The following THAP8 variants were observed in gnomAD, a reference collection of about 807,000 sequenced individuals.
THAP8 encodes THAP domain containing 8.
THAP8 carries 24 observed loss-of-function variants against 25.0 expected under a neutral mutation model. That is an observed-to-expected ratio of 0.96 (90% CI 0.69 to 1.35). The LOEUF is 1.35. Ranked by LOEUF, THAP8 falls within the 40% of genes most tolerant of loss-of-function variation. The pLI is 0.00. For synonymous variants in THAP8, 169 were observed against 157.6 expected (o/e 1.07, Z -0.54); for missense variants, 399 against 368.8 (o/e 1.08, Z -0.67).
intron 1 of THAP8, among the ~76,000 whole-genome samples, chr19:36,053,696 A>G (rs1014968517): frequency 4.6e-5 from 7 of 152,186 alleles, no homozygotes; most frequent in Non-Finnish European, 1.0e-4. Context: ...CGAAAGAGGT[A>G]AGGATGACAT....
intron 1 of THAP8, among the ~76,000 whole-genome samples, chr19:36,048,858 A>AAAAAAAC (rs1568555132): frequency 1.9e-5 from 1 of 52,654 alleles, no homozygotes; most frequent in African/African-American, 6.4e-5. Context: ...AAAAAAAAAC[A>AAAAAAAC]AAAAAACAAA....
chr19:36,036,017 G>A (rs1420468727), intron 3 of THAP8, among the ~76,000 whole-genome samples: 3 of 152,108 alleles, frequency 2.0e-5, no homozygotes, highest in African/African-American at 7.2e-5. Context: ...GGATAGATGA[G>A]TAGGAGACAG....
rs1435452074 is a variant in THAP8 at position 36,039,403 on chromosome 19, G to A, written c.592C>T (p.Leu198=). The change falls in exon 3 of 4, where the codon CTG becomes TTG. Residue 198 remains leucine (L), a synonymous_variant. Coordinates refer to ENST00000292894, the MANE Select transcript of THAP8 (RefSeq NM_152658.3). Reference sequence around the variant, plus strand: ...TGTGCCAGCCGTTCCAGGGCCTGCAGCTGCGCCTGGTGCCGCTCCTGGCAC... The same window carrying A: ...TGTGCCAGCCGTTCCAGGGCCTGCAACTGCGCCTGGTGCCGCTCCTGGCAC... ...QRCQERHQAQ[L]QALERLAQQL... The A allele has an allele frequency of 7.1e-6, 11 of 1,552,956 alleles. No homozygotes were observed. Among genetic ancestry groups the A allele is most frequent in the Non-Finnish European group, 9.6e-6 (11 of 1,151,444 alleles).
chr19:36,042,259 A>C (rs2145439209), intron 1 of THAP8, among the ~76,000 whole-genome samples: 1 of 152,188 alleles, frequency 6.6e-6, no homozygotes, highest in East Asian at 1.9e-4. Flanking sequence ...CATATGACCC[A>C]GCAATCCACT....
intron 1 of THAP8, among the ~76,000 whole-genome samples, chr19:36,042,987 G>A (rs1346275490): frequency 6.6e-6 from 1 of 152,160 alleles, no homozygotes; most frequent in Non-Finnish European, 1.5e-5. Context: ...GGAATGCAGT[G>A]GTGTGATCTC....
At chr19:36,047,136 T>C (rs768949583) in intron 1 of THAP8, among the ~76,000 whole-genome samples, 3 of 152,238 alleles carry the variant, frequency 2.0e-5, no homozygotes, top group Non-Finnish European at 4.4e-5. Context: ...CACTGAGCTA[T>C]ACCCCCATGT....
intron 1 of THAP8, among the ~76,000 whole-genome samples, chr19:36,044,420 TAACC>T (rs1456437620): frequency 6.7e-6 from 1 of 148,546 alleles, no homozygotes; most frequent in African/African-American, 2.4e-5. Flanking sequence ...AAACAAAAGC[TAACC>T]ATAAAAACAT....
At chr19:36,046,178 A>G (rs1002799151) in intron 1 of THAP8, among the ~76,000 whole-genome samples, 1 of 152,022 alleles carries the variant, frequency 6.6e-6, no homozygotes, top group African/African-American at 2.4e-5. Flanking sequence ...GTGAGTTCTC[A>G]TGAGATCTGA....
At chr19:36,053,183 TCAGC>T in intron 1 of THAP8, among the ~76,000 whole-genome samples, 1 of 151,978 alleles carries the variant, frequency 6.6e-6, no homozygotes, top group Non-Finnish European at 1.5e-5. Context: ...TTCTCCTGCC[TCAGC>T]CCACGGAGTA....
At position 36,054,189 on chromosome 19, in the gene THAP8, C is replaced by G; in HGVS notation, c.29G>C (p.Cys10Ser). The change falls in exon 1 of 4, where the codon TGC becomes TCC. Residue 10 changes from cysteine to serine, a missense_variant. By Grantham distance (112) the Cys-to-Ser change is moderately radical. Coordinates refer to ENST00000292894, the MANE Select transcript of THAP8 (RefSeq NM_152658.3). MPKYCRAPNCSNTAGRLGAD... is the reference protein window; with the variant it reads MPKYCRAPNSSNTAGRLGAD... ...ACCCAGGCGGCCCGCAGTGTTGGAG[C>G]AGTTCGGCGCCCTGCAGTACTTGGG... is the stretch of plus-strand genomic sequence containing the variant. The G allele has an allele frequency of 1.9e-6, 3 of 1,613,940 alleles. No homozygotes were observed. Among genetic ancestry groups the G allele is most frequent in the Non-Finnish European group, 2.5e-6 (3 of 1,179,942 alleles).
chr19:36,035,593 C>G lies in THAP8; in HGVS notation c.673-1G>C, dbSNP rs74384706. The G allele has an allele frequency of 4.2e-5, 67 of 1,612,488 alleles. No homozygotes were observed. The African/African-American group carries it at 8.0e-4, about 19-fold the overall frequency. On this transcript the variant is annotated splice_acceptor_variant, in intron 3 of 3. Coordinates refer to ENST00000292894, the MANE Select transcript of THAP8 (RefSeq NM_152658.3). LOFTEE classifies it high-confidence loss of function. Reference sequence around the variant, plus strand: ...CAGGTCCAAGGGTCTGGGCTGTTGTCTAAGGCAAAGAAGTGGTAGAGATGG... The same window carrying G: ...CAGGTCCAAGGGTCTGGGCTGTTGTGTAAGGCAAAGAAGTGGTAGAGATGG...
rs1223520754 is a variant in THAP8, at chr19:36,052,847, C to T, written c.83+1288G>A. Among the ~76,000 whole-genome samples the T allele has an allele frequency of 2.0e-5, 3 of 152,284 alleles. No homozygotes were observed. The East Asian group carries it at 5.8e-4, about 29-fold the overall frequency. The stretch of plus-strand genomic sequence containing the variant: ...TGTGATCATCTCTGACTTTAGACAA[C>T]CAAAGTTTCCTACTAAGAAAGCAGT... On this transcript the variant is annotated intron_variant, in intron 1 of 3. Coordinates refer to ENST00000292894, the MANE Select transcript of THAP8 (RefSeq NM_152658.3).
intron 1 of THAP8, among the ~76,000 whole-genome samples, chr19:36,053,169 G>A (rs1448802324): frequency 1.3e-5 from 2 of 151,766 alleles, no homozygotes; most frequent in South Asian, 2.1e-4. Context: ...CTGGATTCAT[G>A]CGATTCTCCT....
rs1299021966 is a variant in THAP8, at chr19:36,040,104, G to T, written c.116C>A (p.Ala39Asp). 7.4e-6 allele frequency: 12 copies of T among 1,611,790 alleles called. No homozygotes were observed. Among genetic ancestry groups the T allele is most frequent in the Non-Finnish European group, 8.5e-6 (10 of 1,178,792 alleles). The change falls in exon 2 of 4, where the codon GCC becomes GAC. Residue 39 changes from alanine (A) to aspartate (D), a missense_variant. Physicochemically the swap from Ala to Asp is moderately radical, Grantham distance 126 (BLOSUM62 -2). Transcript: ENST00000292894. Reference protein sequence around the residue: ...FPLKDGPRLQAWLQHMGCEHW... With the variant: ...FPLKDGPRLQDWLQHMGCEHW... Reference sequence around the variant, plus strand: ...CTCACAGCCCATGTGCTGCAGCCAGGCCTGCAGCCGGGGACCATCCTTCAG... The same window carrying T: ...CTCACAGCCCATGTGCTGCAGCCAGTCCTGCAGCCGGGGACCATCCTTCAG...
intron 3 of THAP8, among the ~76,000 whole-genome samples, chr19:36,037,343 TACACACACACACACACAC>T (rs58349186): frequency 3.5e-5 from 4 of 114,828 alleles, no homozygotes; most frequent in Admixed American, 8.6e-5. Context: ...ATTCCTCCCC[TACACACACACACACACAC>T]ACACACACAC....
chr19:36,053,363 T>G (rs1970129071), intron 1 of THAP8, among the ~76,000 whole-genome samples: 1 of 72,200 alleles, frequency 1.4e-5, no homozygotes, highest in African/African-American at 6.6e-5. Context: ...CCACCAAGCC[T>G]GGCAAAAAAA....
chr19:36,037,465 G>A (rs1198039850), intron 3 of THAP8, among the ~76,000 whole-genome samples: 3 of 152,006 alleles, frequency 2.0e-5, no homozygotes, highest in Non-Finnish European at 4.4e-5. Context: ...CAGCTCTATA[G>A]GGGCCAGGCA....
In THAP8 at chr19:36,035,551, G is replaced by T; in HGVS notation, c.714C>A (p.Phe238Leu). The T allele has an allele frequency of 6.2e-7, 1 of 1,614,190 alleles. No homozygotes were observed. Among genetic ancestry groups the T allele is most frequent in the Middle Eastern group, 1.7e-4 (1 of 6,058 alleles). The part of the protein sequence containing the change: ...QTLGPEESQT[F>L]TIICGGPDIA... ...TGTCAGGCCCTCCACAGATGATGGT[G>T]AAGGTTTGGGATTCCTCAGGTCCAA... The change falls in exon 4 of 4, where the codon TTC (phenylalanine) becomes TTA (leucine). Residue 238 changes from phenylalanine (F) to leucine (L), a missense_variant. Coordinates refer to ENST00000292894, the MANE Select transcript of THAP8 (RefSeq NM_152658.3).
At chr19:36,035,665 A>C (rs1969410599) in intron 3 of THAP8, 73 bp from the exon 4 acceptor site, 1 of 1,542,558 alleles carries the variant, frequency 6.5e-7, no homozygotes, top group Admixed American at 1.8e-5. Flanking sequence ...GATAACGGTG[A>C]GGAACAGGGA....
Sources: allele counts gnomAD v4.1 joint callset (sites outside exome capture counted in the v4.1 genomes callset), GRCh38; gene constraint gnomAD v4.1.1; transcripts MANE v1.5; gene names NCBI Gene and HGNC (gene_info 2026-07-23, HGNC 2026-07-21).